NAV1: variants seen among roughly 807,000 people sequenced by gnomAD.
The protein encoded by NAV1 is neuron navigator 1, also known as pore membrane and/or filament interacting like protein 3.
Under a neutral mutation model 175.2 loss-of-function variants are expected in NAV1, and 18 were observed. The ratio of observed to expected loss-of-function variants is 0.10; its 90% CI spans 0.07 to 0.15. The LOEUF is 0.15. Ranked by LOEUF, NAV1 falls within the 10% of genes least tolerant of loss-of-function variation. NAV1 has a pLI of 1.00. For synonymous variants in NAV1, 897 were observed against 978.7 expected (o/e 0.92, Z 1.56); for missense variants, 1,731 against 2,436.6 (o/e 0.71, Z 6.10).
chr1:201,623,062 A>C (rs1558023347), exon 1 of NAV1: 1 of 985,770 alleles, frequency 1.0e-6, no homozygotes, highest in Non-Finnish European at 1.2e-6. Context: ...CAGACTGGGA[A>C]AGGCTGCAGG....
chr1:201,675,453 G>A (rs966649298), intron 1 of NAV1, among the ~76,000 whole-genome samples: 1 of 152,102 alleles, frequency 6.6e-6, no homozygotes, highest in African/African-American at 2.4e-5. Context: ...TCTTCACCAT[G>A]GTAGAGAGAT....
rs1159435070 is a variant in NAV1 at position 201,808,435 on chromosome 1, C to A, written c.3863C>A (p.Ala1288Asp). 2 of 1,612,588 alleles carry A rather than the reference C, an allele frequency of 1.2e-6. No homozygotes were observed. The highest frequency in any genetic ancestry group is 1.7e-5 in the Admixed American group (1 of 59,882). Residue 1288 changes from alanine (A) to aspartate (D), a missense_variant, in exon 19 of 30, where the codon GCC becomes GAC. Ala to Asp is a moderately radical substitution (Grantham distance 126). This residue lies in a region of NAV1 where 146 missense variants were observed against 176.8 expected (regional missense o/e 0.83). Coordinates refer to ENST00000367296, the Ensembl canonical transcript of NAV1. The surrounding 1 kb of genome is among the most constrained non-coding windows in gnomAD (Gnocchi z 5.5). ...TCTTACAGGGGCCCTGCTCACCCAG[C>A]CCCCCACACTAGGCTGTTCCATGCA...
intron 8 of NAV1, 130 bp from the exon 13 acceptor site, chr1:201,786,299 C>A (rs542376031): frequency 1.4e-5 from 13 of 940,176 alleles, no homozygotes; most frequent in South Asian, 1.2e-4. Flanking sequence ...CAGCCCTGAC[C>A]ACTCCCTCTT....
In NAV1 at chr1:201,539,582, C is replaced by T. The variant is rs923643750; in HGVS notation, c.-144+240C>T. 6.6e-6 allele frequency among the ~76,000 whole-genome samples: 1 copy of T among 152,134 alleles called. No homozygotes were observed. The highest frequency in any genetic ancestry group is 1.5e-5 in the Non-Finnish European group (1 of 68,024). On this transcript the variant is annotated intron_variant, in intron 1 of 33. Coordinates refer to the NAV1 transcript ENST00000685211. This position sits in a 1 kb window ranked among gnomAD's most constrained non-coding sequence, Gnocchi z 5.6. ...CTTTCGACCCCTATGGGACTGACTGCGCGTTTGATTCTAGAGTTGACTCTC... is the reference window on the plus strand; with the variant it reads ...CTTTCGACCCCTATGGGACTGACTGTGCGTTTGATTCTAGAGTTGACTCTC...
At chr1:201,651,658 G>A (rs1014234998) in intron 1 of NAV1, among the ~76,000 whole-genome samples, 20 of 152,146 alleles carry the variant, frequency 1.3e-4, no homozygotes, top group African/African-American at 3.1e-4. Context: ...GGACTAAGTC[G>A]CAGCTCTTCC....
At chr1:201,681,302 C>G (rs1670453121) in intron 1 of NAV1, among the ~76,000 whole-genome samples, 1 of 152,218 alleles carries the variant, frequency 6.6e-6, no homozygotes, top group Admixed American at 6.5e-5. Context: ...ATTGGCATTA[C>G]TTAAAAATAA....
intron 2 of NAV1, among the ~76,000 whole-genome samples, chr1:201,717,771 C>G (rs1412658943): frequency 6.6e-6 from 1 of 152,238 alleles, no homozygotes; most frequent in Admixed American, 6.5e-5. Context: ...CCCAGATTCC[C>G]AAAGCTTTTC....
exon 30 of NAV1, chr1:201,822,045 G>C (rs1679416604): frequency 6.5e-6 from 1 of 152,686 alleles, no homozygotes; most frequent in African/African-American, 2.4e-5. Flanking sequence ...GGTCCGGGCT[G>C]CCCCTCACAA....
At chr1:201,697,766 C>T (rs1399446495) in intron 1 of NAV1, among the ~76,000 whole-genome samples, 2 of 152,178 alleles carry the variant, frequency 1.3e-5, no homozygotes, top group Non-Finnish European at 2.9e-5. Context: ...CCATTCCATC[C>T]CATTCCCATC....
chr1:201,697,202 TGGG>T (rs1310086218), intron 1 of NAV1, among the ~76,000 whole-genome samples: 2 of 151,954 alleles, frequency 1.3e-5, no homozygotes, highest in African/African-American at 2.4e-5. Flanking sequence ...ATCCTGGAAA[TGGG>T]GGGGCATGTT....
chr1:201,781,613 A>G (rs960036465), intron 5 of NAV1, among the ~76,000 whole-genome samples: 1 of 152,210 alleles, frequency 6.6e-6, no homozygotes, highest in African/African-American at 2.4e-5. Flanking sequence ...CCTTCCAAAC[A>G]CTTCCAATGC....
chr1:201,817,255 C>T (rs761361076), exon 29 of NAV1: 3 of 1,614,136 alleles, frequency 1.9e-6, no homozygotes, highest in South Asian at 2.2e-5. Context: ...TCAAAGACAG[C>T]ACCCCAAGTT....
At chr1:201,811,921 C>A in exon 26 of NAV1, 1 of 1,614,074 alleles carries the variant, frequency 6.2e-7, no homozygotes, top group Non-Finnish European at 8.5e-7. Context: ...TTATAGGTAC[C>A]ACCAATCAGC....
chr1:201,711,250 T>C (rs1671893754), intron 1 of NAV1, among the ~76,000 whole-genome samples: 1 of 152,214 alleles, frequency 6.6e-6, no homozygotes, highest in South Asian at 2.1e-4. Flanking sequence ...GTGCTGACCA[T>C]GAGAGGATGT....
chr1:201,803,177 T>G (rs1171110618), intron 15 of NAV1, among the ~76,000 whole-genome samples: 1 of 152,206 alleles, frequency 6.6e-6, no homozygotes, highest in Non-Finnish European at 1.5e-5. Flanking sequence ...GGTACATGGC[T>G]AGTGATGTAT....
At chr1:201,699,548 C>T (rs1231967789) in intron 1 of NAV1, among the ~76,000 whole-genome samples, 2 of 152,176 alleles carry the variant, frequency 1.3e-5, no homozygotes, top group African/African-American at 2.4e-5. Context: ...GCCATCCCCA[C>T]CAAGCTACCA....
intron 29 of NAV1, among the ~76,000 whole-genome samples, chr1:201,819,445 A>G (rs1301514800): frequency 1.3e-5 from 2 of 148,366 alleles, no homozygotes; most frequent in Non-Finnish European, 3.0e-5. Flanking sequence ...GATCAGACCC[A>G]TGATCTAGAT....
intron 2 of NAV1, among the ~76,000 whole-genome samples, chr1:201,616,075 C>T (rs1219809200): frequency 6.6e-6 from 1 of 151,996 alleles, no homozygotes; most frequent in Non-Finnish European, 1.5e-5. Context: ...ATGTGCCAGA[C>T]ACTGTTCTAA....
At chr1:201,641,333 C>T (rs1228645747) in intron 2 of NAV1, among the ~76,000 whole-genome samples, 3 of 152,234 alleles carry the variant, frequency 2.0e-5, no homozygotes, top group African/African-American at 7.2e-5. Flanking sequence ...ACTGCAACTG[C>T]TTCTGCCCTT....
Sources: gnomAD v4.1 joint callset for allele counts (sites outside exome capture counted in the v4.1 genomes callset) on GRCh38, gnomAD v4.1.1 for gene constraint, gnomAD v4.1.1 regional missense constraint, Gnocchi (gnomAD v3.1) non-coding constraint, MANE v1.5 for transcripts, NCBI Gene and HGNC (gene_info 2026-07-23, HGNC 2026-07-21) for gene names.